Variants in FARSB observed in about 807,000 individuals in gnomAD.
FARSB encodes phenylalanyl-tRNA synthetase subunit beta.
A neutral mutation model predicts 69.6 loss-of-function variants in FARSB; 40 were observed. The ratio of observed to expected loss-of-function variants is 0.57; its 90% CI spans 0.45 to 0.75. FARSB has a LOEUF of 0.75. FARSB is among the 30% of genes least tolerant of loss of function. FARSB has a pLI of 0.00. For synonymous variants in FARSB, 235 were observed against 247.2 expected, an observed-to-expected ratio of 0.95 and a Z score of 0.46; for missense variants, 632 against 722.9, an observed-to-expected ratio of 0.87 and a Z score of 1.44.
chr2:222,576,210 G>T (rs1689835411), intron 16 of FARSB, among the ~76,000 whole-genome samples: 1 of 151,434 alleles, frequency 6.6e-6, no homozygotes, highest in Non-Finnish European at 1.5e-5. Context: ...CAATCATTTG[G>T]TATTTTATTT....
chr2:222,599,028 A>T (rs1690495554), intron 16 of FARSB, among the ~76,000 whole-genome samples: 1 of 152,064 alleles, frequency 6.6e-6, no homozygotes, highest in Admixed American at 6.5e-5. Flanking sequence ...CAAAATGAAA[A>T]CAAAAACAAA....
At chr2:222,628,928 A>T in intron 9 of FARSB, 40 bp from the exon 10 acceptor site, 1 of 1,483,802 alleles carries the variant, frequency 6.7e-7, no homozygotes, top group Non-Finnish European at 9.4e-7. Context: ...TAAGAAAAAA[A>T]TGTGCCATAA....
At chr2:222,606,163 T>C (rs911154029) in intron 15 of FARSB, among the ~76,000 whole-genome samples, 9 of 152,162 alleles carry the variant, frequency 5.9e-5, no homozygotes, top group African/African-American at 2.2e-4. Context: ...GGCTGGCTTT[T>C]TACGTTTCCC....
At chr2:222,646,637 A>C (rs1691866925) in intron 2 of FARSB, among the ~76,000 whole-genome samples, 1 of 152,200 alleles carries the variant, frequency 6.6e-6, no homozygotes, top group Non-Finnish European at 1.5e-5. Context: ...TAGATATTTT[A>C]ATGAGGAGGT....
At chr2:222,654,154 A>C (rs1457915245) in intron 1 of FARSB, among the ~76,000 whole-genome samples, 1 of 152,150 alleles carries the variant, frequency 6.6e-6, no homozygotes, top group Non-Finnish European at 1.5e-5. Context: ...TTTGCCACCT[A>C]CCATCTTAGG....
chr2:222,597,921 ACTAGCTGCAGC>A (rs1690462807), intron 16 of FARSB, among the ~76,000 whole-genome samples: 1 of 152,164 alleles, frequency 6.6e-6, no homozygotes, highest in South Asian at 2.1e-4. Flanking sequence ...TTTTCTCCTA[ACTAGCTGCAGC>A]CTTTCCCTAG....
chr2:222,644,650 GAT>G, intron 2 of FARSB: 1 of 362,706 alleles, frequency 2.8e-6, no homozygotes, highest in Non-Finnish European at 5.6e-6. Flanking sequence ...ATCCACAGGG[GAT>G]ATGTTTCAAG....
At chr2:222,641,841 A>C (rs1691726577) in intron 3 of FARSB, among the ~76,000 whole-genome samples, 1 of 152,190 alleles carries the variant, frequency 6.6e-6, no homozygotes, top group South Asian at 2.1e-4. Flanking sequence ...CATTTCACCA[A>C]TACCCATCAC....
intron 15 of FARSB, among the ~76,000 whole-genome samples, chr2:222,607,250 A>T (rs1275970507): frequency 6.6e-6 from 1 of 152,224 alleles, no homozygotes; most frequent in Non-Finnish European, 1.5e-5. Context: ...TCAACAAATT[A>T]TCACACATTT....
At chr2:222,597,690 G>T (rs1246581535) in intron 16 of FARSB, among the ~76,000 whole-genome samples, 2 of 152,048 alleles carry the variant, frequency 1.3e-5, no homozygotes, top group African/African-American at 4.8e-5. Context: ...TCTTCTTAAG[G>T]TTTCTTAAAT....
intron 2 of FARSB, 88 bp from the exon 3 acceptor site, chr2:222,643,093 C>T: frequency 1.6e-6 from 1 of 610,616 alleles, no homozygotes; most frequent in Non-Finnish European, 2.7e-6. Flanking sequence ...AAGGCAGTAA[C>T]TACATTATAC....
At chr2:222,573,462 A>C (rs1181836567) in intron 16 of FARSB, among the ~76,000 whole-genome samples, 1 of 152,194 alleles carries the variant, frequency 6.6e-6, no homozygotes, top group Non-Finnish European at 1.5e-5. Flanking sequence ...AACCAAACCC[A>C]ACTAATATTA....
chr2:222,628,227 C>T (rs1303462609), intron 10 of FARSB, among the ~76,000 whole-genome samples: 1 of 152,112 alleles, frequency 6.6e-6, no homozygotes, highest in Non-Finnish European at 1.5e-5. Context: ...TTCTATTGTT[C>T]TACAGCACTG....
At chr2:222,588,260 C>T (rs1690173716) in intron 16 of FARSB, among the ~76,000 whole-genome samples, 1 of 152,088 alleles carries the variant, frequency 6.6e-6, no homozygotes. Flanking sequence ...AGACAAAAAC[C>T]ACATGATTAT....
intron 1 of FARSB, among the ~76,000 whole-genome samples, chr2:222,652,316 G>T (rs1207342002): frequency 6.6e-6 from 1 of 152,152 alleles, no homozygotes; most frequent in East Asian, 1.9e-4. Context: ...TGAATCAGTG[G>T]AGGTTAGAGG....
At chr2:222,636,385 CAAAAAAAAAAAA>C (rs34295305) in intron 5 of FARSB, among the ~76,000 whole-genome samples, 1 of 96,708 alleles carries the variant, frequency 1.0e-5, no homozygotes, top group Non-Finnish European at 2.1e-5. Flanking sequence ...GACTCTATCT[CAAAAAAAAAAAA>C]AAAAAAAGAA....
chr2:222,637,581 T>C (rs1362938064), intron 5 of FARSB, among the ~76,000 whole-genome samples: 2 of 152,132 alleles, frequency 1.3e-5, no homozygotes, highest in South Asian at 2.1e-4. Flanking sequence ...ATGGATATAG[T>C]AGGCAAAGGG....
At chr2:222,608,706 A>G (rs1690768590) in intron 15 of FARSB, among the ~76,000 whole-genome samples, 1 of 152,238 alleles carries the variant, frequency 6.6e-6, no homozygotes, top group African/African-American at 2.4e-5. Context: ...GAAATTTTAA[A>G]AACTATTTTG....
At position 222,623,699 on chromosome 2, in the gene FARSB, C is replaced by A; in HGVS notation, c.1202G>T (p.Arg401Leu). 2 of 1,611,622 alleles carry A rather than the reference C, an allele frequency of 1.2e-6. No homozygotes were observed. The highest frequency in any genetic ancestry group is 2.2e-5 in the East Asian group (1 of 44,846). The change falls in exon 13 of 17, where the codon CGA becomes CTA. Residue 401 changes from arginine to leucine, a missense_variant. Arg to Leu is a moderately radical substitution (Grantham distance 102). Coordinates refer to ENST00000281828, the MANE Select transcript of FARSB (RefSeq NM_005687.5). ...GAAGCCAGCGGCTGCCATGTCATGTCGGAGAAGTTCAGTGAGCTTATTAAG... is the reference window on the plus strand; with the variant it reads ...GAAGCCAGCGGCTGCCATGTCATGTAGGAGAAGTTCAGTGAGCTTATTAAG... The part of the protein sequence containing the change: ...FPLNKLTELL[R>L]HDMAAAGFTE...
Sources: allele counts gnomAD v4.1 joint callset (sites outside exome capture counted in the v4.1 genomes callset), GRCh38; gene constraint gnomAD v4.1.1; transcripts MANE v1.5; gene names NCBI Gene and HGNC (gene_info 2026-07-23, HGNC 2026-07-21).